Variants in RANBP2 observed in about 807,000 individuals in gnomAD.
The protein encoded by RANBP2 is RAN binding protein 2.
In RANBP2, 57 loss-of-function variants were observed where a neutral mutation model predicts 303.6. That is an observed-to-expected ratio of 0.19 (90% CI 0.15 to 0.23). The LOEUF (loss-of-function observed/expected upper bound fraction) is 0.23, where lower values mean the gene tolerates loss of function less well. Among genes scored for constraint, RANBP2 ranks in the 10% least tolerant of loss-of-function variants. The probability of loss-of-function intolerance (pLI) is 1.00; values close to 1 mark genes in which losing one functional copy is unlikely to be tolerated. For missense variants in RANBP2, 3,138 were observed against 3,780.8 expected (o/e 0.83, Z 4.46); for synonymous variants, 1,167 against 1,301.5 (o/e 0.90, Z 2.23).
chr2:109,381,422 T>G, the RANBP2 span, among the ~76,000 whole-genome samples: 1 of 152,202 alleles, frequency 6.6e-6, no homozygotes, highest in African/African-American at 2.4e-5. Flanking sequence ...CCTGCTGGTC[T>G]CAGCACGCAC....
the RANBP2 span, among the ~76,000 whole-genome samples, chr2:109,089,633 G>T: frequency 1.3e-5 from 2 of 152,062 alleles, no homozygotes; most frequent in Non-Finnish European, 2.9e-5. Flanking sequence ...AAAAAACCTG[G>T]TGGGGACATG....
the RANBP2 span, among the ~76,000 whole-genome samples, chr2:109,642,043 A>G: frequency 6.6e-6 from 1 of 152,078 alleles, no homozygotes; most frequent in Admixed American, 6.6e-5. Flanking sequence ...TGACCTTGTG[A>G]TCTGCCCACC....
chr2:109,242,892 C>G, the RANBP2 span, among the ~76,000 whole-genome samples: 18 of 152,172 alleles, frequency 1.2e-4, no homozygotes, highest in Admixed American at 3.3e-4. Context: ...AACAGGCATC[C>G]AAAAACCTCA....
chr2:109,704,424 C>T, the RANBP2 span, among the ~76,000 whole-genome samples: 12 of 152,086 alleles, frequency 7.9e-5, no homozygotes, highest in Non-Finnish European at 1.3e-4. Flanking sequence ...GTGGCACGCG[C>T]CTATGGTCCC....
chr2:109,141,139 AC>A, the RANBP2 span, among the ~76,000 whole-genome samples: 15 of 151,608 alleles, frequency 9.9e-5, no homozygotes, highest in African/African-American at 3.6e-4. Flanking sequence ...ATGCAACCAC[AC>A]CCCCCGGAGC....
At chr2:109,206,490 CAAAAAAAAAAA>C in the RANBP2 span, among the ~76,000 whole-genome samples, 1 of 40,756 alleles carries the variant, frequency 2.5e-5, no homozygotes. Context: ...GACTCCGTCT[CAAAAAAAAAAA>C]AAAAAAAAAA....
the RANBP2 span, among the ~76,000 whole-genome samples, chr2:109,026,860 C>T: frequency 2.0e-5 from 3 of 152,110 alleles, no homozygotes; most frequent in South Asian, 2.1e-4. Flanking sequence ...GGTCACCATT[C>T]TGGCTAATGT....
chr2:108,745,486 A>C (rs1403324309), intron 7 of RANBP2, among the ~76,000 whole-genome samples: 1 of 149,806 alleles, frequency 6.7e-6, no homozygotes, highest in East Asian at 1.9e-4. Flanking sequence ...AATATTCTTC[A>C]AGCCTTCTAC....
chr2:109,662,382 G>T, the RANBP2 span, among the ~76,000 whole-genome samples: 1 of 152,110 alleles, frequency 6.6e-6, no homozygotes, highest in African/African-American at 2.4e-5. Flanking sequence ...TGCCTCCCAG[G>T]TTCAAAGGAT....
Position 108,763,476 on chromosome 2 carries a change from A to T in RANBP2, c.2937A>T (p.Gly979=). Residue 979 remains glycine (G), a synonymous_variant, in exon 20 of 29, where the codon GGA becomes GGT. Transcript: ENST00000283195. ...TSTNPPLPEP[G]YFTKPPIAAH... ...CAAATCCACCTTTGCCAGAACCAGGATATTTCACAAAACCTCCGATTGCAG... is the reference window on the plus strand; with the variant it reads ...CAAATCCACCTTTGCCAGAACCAGGTTATTTCACAAAACCTCCGATTGCAG... 6.2e-7 allele frequency: 1 copy of T among 1,614,074 alleles called. No homozygotes were observed. The highest frequency in any genetic ancestry group is 2.2e-5 in the East Asian group (1 of 44,876).
At chr2:109,545,930 T>A in the RANBP2 span, 4 of 1,445,896 alleles carry the variant, frequency 2.8e-6, no homozygotes, top group Non-Finnish European at 3.7e-6. Context: ...GGAGCTGACA[T>A]TTAGTTGGAG....
intron 15 of RANBP2, 130 bp downstream of exon 15, chr2:108,754,101 T>G (rs934867515): frequency 6.3e-7 from 1 of 1,598,728 alleles, no homozygotes; most frequent in Non-Finnish European, 8.5e-7. Flanking sequence ...AGAAGGGATA[T>G]GTGTGTCTAA....
chr2:109,207,024 C>G, the RANBP2 span, among the ~76,000 whole-genome samples: 2 of 152,172 alleles, frequency 1.3e-5, no homozygotes, highest in Admixed American at 6.5e-5. Context: ...GTGAGAACCA[C>G]TCAGGGCCTG....
chr2:109,312,906 C>T, the RANBP2 span, among the ~76,000 whole-genome samples: 2 of 152,242 alleles, frequency 1.3e-5, no homozygotes, highest in African/African-American at 2.4e-5. Context: ...TGCTGGGTCA[C>T]GTGGTCATCC....
the RANBP2 span, among the ~76,000 whole-genome samples, chr2:109,463,105 T>C: frequency 6.6e-6 from 1 of 152,180 alleles, no homozygotes; most frequent in African/African-American, 2.4e-5. Flanking sequence ...GTAAAGTAGC[T>C]CAAGCCTGGG....
chr2:109,582,520 C>T, the RANBP2 span, among the ~76,000 whole-genome samples: 760 of 152,188 alleles, frequency 5.0e-3, 6 homozygotes, highest in African/African-American at 0.018. Flanking sequence ...CGAGGTCCCA[C>T]CATGTTGCCC....
At chr2:109,054,644 G>T in the RANBP2 span, among the ~76,000 whole-genome samples, 1 of 149,392 alleles carries the variant, frequency 6.7e-6, no homozygotes, top group African/African-American at 2.5e-5. Context: ...AGGTTGCAGT[G>T]AGCCAAGATC....
chr2:108,936,901 T>C, the RANBP2 span, among the ~76,000 whole-genome samples: 1 of 152,232 alleles, frequency 6.6e-6, no homozygotes, highest in Non-Finnish European at 1.5e-5. Context: ...CTGCTGGCCT[T>C]GCCAGCCTGA....
chr2:109,035,488 C>A, the RANBP2 span, among the ~76,000 whole-genome samples: 2 of 151,672 alleles, frequency 1.3e-5, no homozygotes, highest in Non-Finnish European at 2.9e-5. Flanking sequence ...CACCCCCCAC[C>A]CCACCCCGCC....
Sources: gnomAD v4.1 joint callset for allele counts (sites outside exome capture counted in the v4.1 genomes callset) on GRCh38, gnomAD v4.1.1 for gene constraint, MANE v1.5 for transcripts, NCBI Gene and HGNC (gene_info 2026-07-23, HGNC 2026-07-21) for gene names.